SARS1: variants seen among roughly 807,000 people sequenced by gnomAD.
SARS1 encodes the protein serine--tRNA ligase, cytoplasmic.
SARS1 carries 25 observed loss-of-function variants against 63.7 expected under a neutral mutation model. That is an observed-to-expected ratio of 0.39 (90% CI 0.29 to 0.55). SARS1 has a LOEUF of 0.55. Ranked by LOEUF, SARS1 falls within the 20% of genes least tolerant of loss-of-function variation. The probability of loss-of-function intolerance (pLI) is 0.62; values close to 1 mark genes in which losing one functional copy is unlikely to be tolerated. For synonymous variants in SARS1, 231 were observed against 243.5 expected (o/e 0.95, Z 0.48); for missense variants, 417 against 649.7 (o/e 0.64, Z 3.89).
At chr1:109,219,864 ATGT>A (rs1389568899) in intron 1 of SARS1, among the ~76,000 whole-genome samples, 1 of 152,192 alleles carries the variant, frequency 6.6e-6, no homozygotes, top group Non-Finnish European at 1.5e-5. Context: ...TGTTATTAAC[ATGT>A]AGCAGTAGTT....
chr1:109,221,996 ATATATATATATATATTT>A (rs1654946442), intron 1 of SARS1, among the ~76,000 whole-genome samples: 10 of 12,144 alleles, frequency 8.2e-4, no homozygotes, highest in African/African-American at 1.8e-3. Flanking sequence ...ATATATATAT[ATATATATATATATATTT>A]TTTTTTTTTT....
Position 109,237,125 on chromosome 1 carries a change from A to G in SARS1, c.1258-119A>G. On this transcript the variant is annotated intron_variant, in intron 9 of 10. Coordinates refer to ENST00000234677, the MANE Select transcript of SARS1 (RefSeq NM_006513.4). This position sits in a 1 kb window ranked among gnomAD's most constrained non-coding sequence, Gnocchi z 4.1. ...AAAAAGTTGCTAAGGGGTAGAACCCATCATTTTGATTTGGACAGTTGTGGT... is the reference window on the plus strand; with the variant it reads ...AAAAAGTTGCTAAGGGGTAGAACCCGTCATTTTGATTTGGACAGTTGTGGT... 1.4e-6 allele frequency: 2 copies of G among 1,458,926 alleles called. No individual in the cohort carries two copies. The highest frequency in any genetic ancestry group is 1.8e-6 in the Non-Finnish European group (2 of 1,083,926). 90.4% of individuals were successfully genotyped at this position (1,458,926 alleles called of 1,614,324 possible). A position where few individuals can be genotyped will look rare whatever the true frequency, so the allele number is the denominator to read the frequency against.
intron 2 of SARS1, among the ~76,000 whole-genome samples, chr1:109,227,914 C>T (rs1443086798): frequency 1.1e-5 from 1 of 91,024 alleles, no homozygotes; most frequent in East Asian, 4.2e-4. Flanking sequence ...AGTGAGACTC[C>T]GTCAAAAAAA....
rs1028139170 is a variant in SARS1 at position 109,236,613 on chromosome 1, C to T, written c.1257+65C>T. ...TACACGGCCCGTCCGAATTATTTCT[C>T]AGCCTTTGGGGTGCACTGGTCCCCA... On this transcript the variant is annotated intron_variant, in intron 9 of 10. Transcript: ENST00000234677. 5.7e-6 allele frequency: 9 copies of T among 1,566,686 alleles called. No individual in the cohort carries two copies. The Admixed American group carries it at 1.1e-4, about 19-fold the overall frequency.
In SARS1 at chr1:109,230,940, T is replaced by C. The variant is rs774036669; in HGVS notation, c.510T>C (p.His170=). ...GTACAGTCAGGAAGAAGTACTCTCATGTGGACCTGGTGGTGATGGTAGATG... is the reference window on the plus strand; with the variant it reads ...GTACAGTCAGGAAGAAGTACTCTCACGTGGACCTGGTGGTGATGGTAGATG... The part of the protein sequence containing the change: ...GDCTVRKKYS[H]VDLVVMVDGF... Residue 170 remains histidine (H), a synonymous_variant, in exon 5 of 11, where the codon CAT becomes CAC. Coordinates refer to ENST00000234677, the MANE Select transcript of SARS1 (RefSeq NM_006513.4). 8 of 1,595,060 alleles carry C rather than the reference T, an allele frequency of 5.0e-6. No individual in the cohort carries two copies. Among genetic ancestry groups the C allele is most frequent in the East Asian group, 2.3e-5 (1 of 43,106 alleles).
Position 109,237,386 on chromosome 1 carries a change from G to A in SARS1, c.1387+13G>A, listed in dbSNP as rs764230600. 1.9e-6 allele frequency: 3 copies of A among 1,614,158 alleles called. No homozygotes were observed. The highest frequency in any genetic ancestry group is 3.3e-5 in the Admixed American group (2 of 60,014). Reference sequence around the variant, plus strand: ...TTCATGCCGCCAGGTAAAACTCCCAGCTCATCTCATCGTTCTCCTCTTTTC... The same window carrying A: ...TTCATGCCGCCAGGTAAAACTCCCAACTCATCTCATCGTTCTCCTCTTTTC... On this transcript the variant is annotated intron_variant, in intron 10 of 10. Coordinates refer to ENST00000234677, the MANE Select transcript of SARS1 (RefSeq NM_006513.4). This position sits in a 1 kb window ranked among gnomAD's most constrained non-coding sequence, Gnocchi z 4.1.
At position 109,236,031 on chromosome 1, in the gene SARS1, G is replaced by A. The variant is rs761775634; in HGVS notation, c.1024G>A (p.Glu342Lys). 2 of 1,613,824 alleles carry A rather than the reference G, an allele frequency of 1.2e-6. No individual in the cohort carries two copies. Among genetic ancestry groups the A allele is most frequent in the African/African-American group, 1.3e-5 (1 of 74,928 alleles). Residue 342 changes from glutamate (E) to lysine (K), a missense_variant, in exon 8 of 11, where the codon GAA (glutamate) becomes AAA (lysine). Coordinates refer to ENST00000234677, the MANE Select transcript of SARS1 (RefSeq NM_006513.4). The part of the protein sequence containing the change: ...PHDNKSWEMF[E>K]EMITTAEEFY... ...TGACAACAAGTCATGGGAGATGTTT[G>A]AAGAGATGATTACCACCGCAGAGGA...
intron 2 of SARS1, among the ~76,000 whole-genome samples, chr1:109,226,436 C>T (rs1389981694): frequency 2.0e-5 from 3 of 149,970 alleles, no homozygotes; most frequent in Non-Finnish European, 3.0e-5. Flanking sequence ...ACTGCAGCCT[C>T]CAACTCCTTG....
chr1:109,229,801 TA>T (rs1655170317), intron 4 of SARS1, among the ~76,000 whole-genome samples: 1 of 152,124 alleles, frequency 6.6e-6, no homozygotes, highest in Non-Finnish European at 1.5e-5. Flanking sequence ...CTCTTCTAAA[TA>T]GGGCTGCTGT....
rs377386188 is a variant in SARS1 at position 109,213,953 on chromosome 1, G to A, written c.-40G>A. 1 of 1,575,236 alleles carries A rather than the reference G, an allele frequency of 6.3e-7. No homozygotes were observed. Among genetic ancestry groups the A allele is most frequent in the Non-Finnish European group, 8.6e-7 (1 of 1,158,074 alleles). On this transcript the variant is annotated 5_prime_UTR_variant, in exon 1 of 11. Coordinates refer to ENST00000234677, the MANE Select transcript of SARS1 (RefSeq NM_006513.4). ...GGTCACAGGCTGAGTGCTGCGGCGC[G>A]ATCCTTGCTTCCCTGAGCGTTGGCC... is the stretch of plus-strand genomic sequence containing the variant.
At chr1:109,224,367 G>A (rs567918800) in intron 2 of SARS1, among the ~76,000 whole-genome samples, 8 of 152,002 alleles carry the variant, frequency 5.3e-5, no homozygotes, top group Non-Finnish European at 8.8e-5. Context: ...CAGATTTGTC[G>A]TCTCAGCGTA....
At chr1:109,218,322 G>A (rs560872396) in intron 1 of SARS1, among the ~76,000 whole-genome samples, 11 of 147,076 alleles carry the variant, frequency 7.5e-5, no homozygotes, top group Non-Finnish European at 1.5e-4. Context: ...AGCTGAGATC[G>A]TGCCATTGCA....
chr1:109,228,234 T>C, intron 2 of SARS1, 118 bp from the exon 3 acceptor site: 1 of 785,900 alleles, frequency 1.3e-6, no homozygotes, highest in East Asian at 2.8e-5. Flanking sequence ...TTTAGAAAAA[T>C]TTATGTAAGA....
rs149758198 is a variant in SARS1 at position 109,237,991 on chromosome 1, C to A, written c.*103C>A. 44 of 1,302,004 alleles carry A rather than the reference C, an allele frequency of 3.4e-5. No individual in the cohort carries two copies. The East Asian group carries it at 1.0e-3, about 31-fold the overall frequency. The allele number at this position is 1,302,004 out of a possible 1,614,324, so 80.7% of individuals were successfully genotyped here. ...CAAGCACCCATTCATCCCCCTGCCC[C>A]CATCTGACTGCGTAGCTGAGAGGGG... is the stretch of plus-strand genomic sequence containing the variant. On this transcript the variant is annotated 3_prime_UTR_variant, in exon 11 of 11. Coordinates refer to ENST00000234677, the MANE Select transcript of SARS1 (RefSeq NM_006513.4). The surrounding 1 kb of genome is among the most constrained non-coding windows in gnomAD (Gnocchi z 4.1).
chr1:109,230,124 C>T (rs1177970325), intron 4 of SARS1, among the ~76,000 whole-genome samples: 1 of 151,946 alleles, frequency 6.6e-6, no homozygotes, highest in African/African-American at 2.4e-5. Context: ...CTCTGGAGGT[C>T]AGGGCCCTGA....
rs1570750815 is a variant in SARS1 at position 109,214,231 on chromosome 1, A to C, written c.136+103A>C. ...GGCCACAGCTTCCACCCTTCGTCAG[A>C]CCCCCTCCCAGGGTGCGGTGGCTCC... On this transcript the variant is annotated intron_variant, in intron 1 of 10. Coordinates refer to ENST00000234677, the MANE Select transcript of SARS1 (RefSeq NM_006513.4). This position sits in a 1 kb window ranked among gnomAD's most constrained non-coding sequence, Gnocchi z 4.6. 9 of 1,358,046 alleles carry C rather than the reference A, an allele frequency of 6.6e-6. No homozygotes were observed. Among genetic ancestry groups the C allele is most frequent in the South Asian group, 3.0e-5 (2 of 67,566 alleles). 84.1% of individuals were successfully genotyped at this position (1,358,046 alleles called of 1,614,324 possible). A position where few individuals can be genotyped will look rare whatever the true frequency, so the allele number is the denominator to read the frequency against.
In SARS1 at chr1:109,235,519, A is replaced by G. The variant is rs1283698735; in HGVS notation, c.969+88A>G. 7.5e-6 allele frequency: 8 copies of G among 1,062,806 alleles called. No individual in the cohort carries two copies. Among genetic ancestry groups the G allele is most frequent in the Non-Finnish European group, 1.1e-5 (8 of 729,074 alleles). The allele number at this position is 1,062,806 out of a possible 1,614,324, so 65.8% of individuals were successfully genotyped here. A position where few individuals can be genotyped will look rare whatever the true frequency, so the allele number is the denominator to read the frequency against. ...GATAGGATCTGTGTTGCTGAGGCCC[A>G]TCCTGGCTCCAGCTTTTCCTCTCAT... On this transcript the variant is annotated intron_variant, in intron 7 of 10. Transcript: ENST00000234677. The surrounding 1 kb of genome is among the most constrained non-coding windows in gnomAD (Gnocchi z 4.7).
Position 109,236,365 on chromosome 1 carries a change from T to G in SARS1, c.1100-26T>G, listed in dbSNP as rs200942208. On this transcript the variant is annotated intron_variant, in intron 8 of 10. Transcript: ENST00000234677. ...CTTCTGAAATACCATCCCTCCTTCA[T>G]GAATTCTAGGGGTTTTTCCTTACAG... 1.3e-4 allele frequency: 208 copies of G among 1,574,884 alleles called. No homozygotes were observed. Among genetic ancestry groups the G allele is most frequent in the Middle Eastern group, 1.2e-3 (7 of 5,872 alleles).
chr1:109,233,484 CT>C (rs11375361), intron 6 of SARS1, among the ~76,000 whole-genome samples: 49 of 146,124 alleles, frequency 3.4e-4, no homozygotes, highest in African/African-American at 4.8e-4. Context: ...TTCTTCCTTA[CT>C]TTTTTTTTTT....
Sources: allele counts gnomAD v4.1 joint callset (sites outside exome capture counted in the v4.1 genomes callset), GRCh38; gene constraint gnomAD v4.1.1; non-coding constraint Gnocchi (gnomAD v3.1); transcripts MANE v1.5; gene names NCBI Gene and HGNC (gene_info 2026-07-23, HGNC 2026-07-21).